The following CYP27A1 variants were observed in gnomAD, a reference collection of about 807,000 sequenced individuals.
CYP27A1 encodes the protein sterol 26-hydroxylase, mitochondrial.
In CYP27A1, 46 loss-of-function variants were observed where a neutral mutation model predicts 58.2. That is an observed-to-expected ratio of 0.79 (90% CI 0.62 to 1.01). The LOEUF is 1.01. Among genes scored for constraint, CYP27A1 ranks in the 50% least tolerant of loss-of-function variants. The probability of loss-of-function intolerance (pLI) is 0.00; values close to 1 mark genes in which losing one functional copy is unlikely to be tolerated. For missense variants in CYP27A1, 704 were observed against 687.0 expected (o/e 1.02, Z -0.28); for synonymous variants, 274 against 285.1 (o/e 0.96, Z 0.39).
At chr2:218,813,197 C>T in intron 5 of CYP27A1, 101 bp downstream of exon 5, 11 of 1,116,660 alleles carry the variant, frequency 9.9e-6, no homozygotes, top group Non-Finnish European at 1.4e-5. Context: ...CCTCCAAGGA[C>T]CTGCTTCTTT....
chr2:218,790,936 C>G (rs557422305), intron 1 of CYP27A1, among the ~76,000 whole-genome samples: 1 of 151,990 alleles, frequency 6.6e-6, no homozygotes, highest in East Asian at 1.9e-4. Flanking sequence ...CTCCTGACCT[C>G]GTGATCTGCC....
In CYP27A1 at chr2:218,814,898, C is replaced by T. The variant is rs780929951; in HGVS notation, c.1477-13C>T. 1.9e-6 allele frequency: 3 copies of T among 1,614,210 alleles called. No homozygotes were observed. The highest frequency in any genetic ancestry group is 1.1e-5 in the South Asian group (1 of 91,076). Reference sequence around the variant, plus strand: ...CACAATCCACCCAACCACATGTGCTCTTTACCCCCCAGCTGATCCAGAAGT... The same window carrying T: ...CACAATCCACCCAACCACATGTGCTTTTTACCCCCCAGCTGATCCAGAAGT... On this transcript the variant is annotated splice_polypyrimidine_tract_variant and intron_variant, in intron 8 of 8. Coordinates refer to ENST00000258415, the MANE Select transcript of CYP27A1 (RefSeq NM_000784.4).
At chr2:218,808,934 A>G (rs963761414) in intron 1 of CYP27A1, among the ~76,000 whole-genome samples, 15 of 151,886 alleles carry the variant, frequency 9.9e-5, no homozygotes, top group African/African-American at 3.1e-4. Context: ...ACTTTTTTTT[A>G]TTTCTTTTTT....
chr2:218,797,341 C>T (rs538196050), intron 1 of CYP27A1, among the ~76,000 whole-genome samples: 5 of 152,232 alleles, frequency 3.3e-5, no homozygotes, highest in African/African-American at 1.2e-4. Flanking sequence ...TCTCAGGTGA[C>T]CCACCTACCT....
At chr2:218,803,267 C>T (rs1185703619) in intron 1 of CYP27A1, among the ~76,000 whole-genome samples, 1 of 151,952 alleles carries the variant, frequency 6.6e-6, no homozygotes, top group Non-Finnish European at 1.5e-5. Context: ...CCATTCTTTG[C>T]TTATTTTTAA....
rs375001619 is a variant in CYP27A1 at position 218,812,509 on chromosome 2, G to T, written c.647-43G>T. The T allele has an allele frequency of 1.9e-6, 3 of 1,612,422 alleles. No individual in the cohort carries two copies. In the African/African-American group the frequency reaches 4.0e-5, roughly 22 times the overall value. ...CCTCAAGGGCTCCTGGATTCCATAT[G>T]TCCTGGTTCTGCCTCCTGTGATGGC... On this transcript the variant is annotated intron_variant, in intron 3 of 8. Coordinates refer to ENST00000258415, the MANE Select transcript of CYP27A1 (RefSeq NM_000784.4).
At chr2:218,784,377 A>T (rs1358158125) in intron 1 of CYP27A1, among the ~76,000 whole-genome samples, 1 of 152,240 alleles carries the variant, frequency 6.6e-6, no homozygotes, top group Non-Finnish European at 1.5e-5. Context: ...CTCTGATTTT[A>T]GATTAACTTT....
At chr2:218,808,852 A>C (rs1467753986) in intron 1 of CYP27A1, among the ~76,000 whole-genome samples, 1 of 152,190 alleles carries the variant, frequency 6.6e-6, no homozygotes, top group Non-Finnish European at 1.5e-5. Context: ...GAGGCCGTGG[A>C]TATCTATCGT....
At chr2:218,798,462 C>G (rs1262273345) in intron 1 of CYP27A1, among the ~76,000 whole-genome samples, 1 of 152,174 alleles carries the variant, frequency 6.6e-6, no homozygotes, top group Non-Finnish European at 1.5e-5. Context: ...CTAGGTGTAG[C>G]CAAGGTTTGA....
At position 218,815,090 on chromosome 2, in the gene CYP27A1, C is replaced by T. The variant is rs1039085456; in HGVS notation, c.*60C>T. On this transcript the variant is annotated 3_prime_UTR_variant, in exon 9 of 9. Transcript: ENST00000258415. ...GGCTCCAGCTCTGGCACAGTGGTTC[C>T]TGGCTGCTGCCATGTCTCAGATGAG... 3 of 1,608,302 alleles carry T rather than the reference C, an allele frequency of 1.9e-6. No individual in the cohort carries two copies. Among genetic ancestry groups the T allele is most frequent in the African/African-American group, 1.3e-5 (1 of 74,828 alleles).
intron 1 of CYP27A1, among the ~76,000 whole-genome samples, chr2:218,806,230 C>T (rs962210162): frequency 1.3e-5 from 2 of 152,090 alleles, no homozygotes; most frequent in African/African-American, 4.8e-5. Flanking sequence ...GATAAGAAAC[C>T]AAACTTTAGA....
At chr2:218,804,356 T>C (rs1482274429) in intron 1 of CYP27A1, among the ~76,000 whole-genome samples, 1 of 152,240 alleles carries the variant, frequency 6.6e-6, no homozygotes, top group Non-Finnish European at 1.5e-5. Flanking sequence ...TGACTGTAGA[T>C]GTTCTAGTGT....
At chr2:218,790,764 C>G (rs1025491866) in intron 1 of CYP27A1, among the ~76,000 whole-genome samples, 2 of 151,814 alleles carry the variant, frequency 1.3e-5, no homozygotes, top group African/African-American at 4.8e-5. Flanking sequence ...GTGGCACGAC[C>G]TCGGCTCACT....
rs1043711258 is a variant in CYP27A1, at chr2:218,815,142, C to A, written c.*112C>A. On this transcript the variant is annotated 3_prime_UTR_variant, in exon 9 of 9. Transcript: ENST00000258415. ...AGGGAGAGAAGGAGGCCGCCAGACT[C>A]GAGAGGTGGGAGGAACTCCTTGCAC... is the stretch of plus-strand genomic sequence containing the variant. 1.5e-6 allele frequency: 2 copies of A among 1,353,924 alleles called. No individual in the cohort carries two copies. Among genetic ancestry groups the A allele is most frequent in the African/African-American group, 1.4e-5 (1 of 69,678 alleles). 83.9% of individuals were successfully genotyped at this position (1,353,924 alleles called of 1,614,324 possible). A position where few individuals can be genotyped will look rare whatever the true frequency, so the allele number is the denominator to read the frequency against.
chr2:218,810,885 C>T (rs1460638667), intron 2 of CYP27A1, among the ~76,000 whole-genome samples: 8 of 152,212 alleles, frequency 5.3e-5, no homozygotes, highest in Admixed American at 6.5e-5. Flanking sequence ...CGGTGGCTCA[C>T]GCCTGTAATC....
At chr2:218,806,220 G>A (rs1943649362) in intron 1 of CYP27A1, among the ~76,000 whole-genome samples, 1 of 152,132 alleles carries the variant, frequency 6.6e-6, no homozygotes, top group South Asian at 2.1e-4. Context: ...TTAACAGAAG[G>A]ATAAGAAACC....
intron 1 of CYP27A1, among the ~76,000 whole-genome samples, chr2:218,791,978 A>G (rs1229256136): frequency 2.0e-5 from 3 of 152,152 alleles, no homozygotes; most frequent in African/African-American, 7.2e-5. Context: ...AGCGAAATGT[A>G]CCTGAAATTT....
intron 1 of CYP27A1, among the ~76,000 whole-genome samples, chr2:218,809,035 GCTTA>G (rs1186492626): frequency 1.3e-5 from 2 of 151,954 alleles, no homozygotes; most frequent in African/African-American, 4.8e-5. Flanking sequence ...ATACCGCATG[GCTTA>G]CTTACTTATT....
At chr2:218,814,821 G>A in intron 8 of CYP27A1, 64 bp downstream of exon 8, 2 of 1,613,660 alleles carry the variant, frequency 1.2e-6, no homozygotes, top group Admixed American at 1.7e-5. Flanking sequence ...TGGGAGGAGA[G>A]GAAGGGAGGC....
Sources: allele counts gnomAD v4.1 joint callset (sites outside exome capture counted in the v4.1 genomes callset), GRCh38; gene constraint gnomAD v4.1.1; transcripts MANE v1.5; gene names NCBI Gene and HGNC (gene_info 2026-07-23, HGNC 2026-07-21).